The following CTNNA3 variants were observed in gnomAD, a reference collection of about 807,000 sequenced individuals.
CTNNA3 encodes the protein catenin alpha 3.
In CTNNA3, 76 loss-of-function variants were observed where a neutral mutation model predicts 95.7. The observed-to-expected ratio is 0.79, with a 90% CI of 0.66 to 0.96. CTNNA3 has a LOEUF of 0.96. Ranked by LOEUF, CTNNA3 falls within the 40% of genes least tolerant of loss-of-function variation. CTNNA3 has a pLI of 0.00. For synonymous variants in CTNNA3, 431 were observed against 374.4 expected (o/e 1.15, Z -1.74); for missense variants, 1,191 against 1,089.8 (o/e 1.09, Z -1.31).
chr10:66,642,054 A>C (rs888920180), intron 9 of CTNNA3, among the ~76,000 whole-genome samples: 1 of 152,126 alleles, frequency 6.6e-6, no homozygotes, highest in African/African-American at 2.4e-5. Flanking sequence ...GCAGATAGTC[A>C]CAATTCAATG....
At chr10:66,440,548 T>TA (rs2093368086) in intron 11 of CTNNA3, among the ~76,000 whole-genome samples, 1 of 152,206 alleles carries the variant, frequency 6.6e-6, no homozygotes, top group Non-Finnish European at 1.5e-5. Context: ...CTCAAGCTCT[T>TA]ACGATGATCA....
At chr10:67,431,889 C>G (rs1846122194) in intron 5 of CTNNA3, among the ~76,000 whole-genome samples, 1 of 151,924 alleles carries the variant, frequency 6.6e-6, no homozygotes, top group South Asian at 2.1e-4. Flanking sequence ...TATCATTCCC[C>G]AAAACATGTT....
chr10:66,268,829 C>A (rs1428098948), intron 13 of CTNNA3, among the ~76,000 whole-genome samples: 1 of 152,130 alleles, frequency 6.6e-6, no homozygotes, highest in East Asian at 1.9e-4. Flanking sequence ...ATTATCTACT[C>A]TCTCTCCCAT....
At chr10:65,993,456 A>G (rs1194271360) in intron 15 of CTNNA3, among the ~76,000 whole-genome samples, 2 of 152,106 alleles carry the variant, frequency 1.3e-5, no homozygotes, top group African/African-American at 4.8e-5. Flanking sequence ...TATAATTTTT[A>G]TATTCTCTTG....
At chr10:66,681,709 ATGTT>A (rs1276766547) in intron 9 of CTNNA3, among the ~76,000 whole-genome samples, 1 of 152,154 alleles carries the variant, frequency 6.6e-6, no homozygotes, top group Non-Finnish European at 1.5e-5. Flanking sequence ...ATAAGATTGA[ATGTT>A]TGTCAATATT....
chr10:67,701,046 T>C (rs796757352), upstream of CTNNA3, among the ~76,000 whole-genome samples: 1 of 151,922 alleles, frequency 6.6e-6, no homozygotes, highest in Middle Eastern at 3.4e-3. Context: ...ATGAAATGAA[T>C]GAAATGAAGG....
At chr10:66,623,476 G>C (rs1454152266) in intron 9 of CTNNA3, among the ~76,000 whole-genome samples, 1 of 151,866 alleles carries the variant, frequency 6.6e-6, no homozygotes, top group African/African-American at 2.4e-5. Context: ...CTTATTAAAA[G>C]CCAATTAAGT....
intron 5 of CTNNA3, among the ~76,000 whole-genome samples, chr10:67,255,102 C>T (rs1866284438): frequency 6.6e-6 from 1 of 152,006 alleles, no homozygotes; most frequent in Admixed American, 6.6e-5. Flanking sequence ...TCAAGACCAG[C>T]CTGACCAACA....
intron 12 of CTNNA3, among the ~76,000 whole-genome samples, chr10:66,302,320 T>C (rs1451011227): frequency 6.6e-6 from 1 of 152,058 alleles, no homozygotes; most frequent in East Asian, 1.9e-4. Flanking sequence ...TATTTACTAA[T>C]TGACCCTAAA....
At chr10:66,911,764 A>G (rs1846233008) in intron 7 of CTNNA3, among the ~76,000 whole-genome samples, 1 of 152,184 alleles carries the variant, frequency 6.6e-6, no homozygotes, top group South Asian at 2.1e-4. Context: ...ACTACTTGGT[A>G]TTACTACAAT....
chr10:66,330,218 C>G (rs769415615), intron 12 of CTNNA3, among the ~76,000 whole-genome samples: 22 of 151,834 alleles, frequency 1.4e-4, no homozygotes, highest in Admixed American at 7.2e-4. Context: ...TCCCTCCCCC[C>G]CTCTCCCCAC....
chr10:66,021,289 T>C (rs16922331), intron 15 of CTNNA3, among the ~76,000 whole-genome samples: 32,243 of 151,962 alleles, frequency 0.21, 3,792 homozygotes, highest in East Asian at 0.51. Flanking sequence ...ATTTATCCAA[T>C]CTTTTTTTAA....
At chr10:66,628,650 T>C (rs1444119075) in intron 9 of CTNNA3, among the ~76,000 whole-genome samples, 1 of 152,082 alleles carries the variant, frequency 6.6e-6, no homozygotes, top group Non-Finnish European at 1.5e-5. Flanking sequence ...TAAATGGCAG[T>C]TCATAAAAGC....
At chr10:66,668,054 C>A (rs1180449557) in intron 9 of CTNNA3, among the ~76,000 whole-genome samples, 1 of 152,030 alleles carries the variant, frequency 6.6e-6, no homozygotes, top group African/African-American at 2.4e-5. Flanking sequence ...TCACTCACAC[C>A]CTAGCCCAGG....
At chr10:67,169,014 T>A (rs575712593) in intron 7 of CTNNA3, among the ~76,000 whole-genome samples, 1 of 152,024 alleles carries the variant, frequency 6.6e-6, no homozygotes, top group African/African-American at 2.4e-5. Context: ...GAGAGAAAAA[T>A]CATAAAGGCA....
At chr10:66,887,880 G>T (rs1022166954) in intron 7 of CTNNA3, among the ~76,000 whole-genome samples, 2 of 152,150 alleles carry the variant, frequency 1.3e-5, no homozygotes, top group Non-Finnish European at 2.9e-5. Flanking sequence ...TCTCCCTGGA[G>T]GCTGGAGTTC....
At chr10:66,092,889 C>T (rs1031013965) in intron 14 of CTNNA3, among the ~76,000 whole-genome samples, 7 of 151,584 alleles carry the variant, frequency 4.6e-5, no homozygotes, top group East Asian at 1.9e-4. Context: ...ATTTTGACAA[C>T]GGAAAAACTA....
In CTNNA3 at chr10:66,613,202, C is replaced by T. The variant is rs917409171; in HGVS notation, c.1374+8490G>A. Among the ~76,000 whole-genome samples, 8 of 152,146 alleles carry T rather than the reference C, an allele frequency of 5.3e-5. No individual in the cohort carries two copies. In the South Asian group the frequency reaches 1.7e-3, roughly 32 times the overall value. On this transcript the variant is annotated intron_variant, in intron 10 of 17. Coordinates refer to ENST00000433211, the MANE Select transcript of CTNNA3 (RefSeq NM_013266.4). ...TTTAAAGTCATTATCTAATTTTTTA[C>T]CCCACTTTCCCACTTGAGTTTGATG...
intron 15 of CTNNA3, among the ~76,000 whole-genome samples, chr10:66,028,162 T>C (rs1318649207): frequency 6.6e-6 from 1 of 152,182 alleles, no homozygotes; most frequent in Non-Finnish European, 1.5e-5. Flanking sequence ...TGTAAACTAG[T>C]GCAACCATCG....
Sources: allele counts gnomAD v4.1 joint callset (sites outside exome capture counted in the v4.1 genomes callset), GRCh38; gene constraint gnomAD v4.1.1; transcripts MANE v1.5; gene names NCBI Gene and HGNC (gene_info 2026-07-23, HGNC 2026-07-21).